MAPK4: variants seen among roughly 807,000 people sequenced by gnomAD.
MAPK4 encodes mitogen-activated protein kinase 4.
In MAPK4, 22 loss-of-function variants were observed where a neutral mutation model predicts 47.7. That is an observed-to-expected ratio of 0.46 (90% confidence interval 0.33 to 0.66). MAPK4 has a LOEUF of 0.66. MAPK4 is among the 30% of genes least tolerant of loss of function. The probability of loss-of-function intolerance (pLI) is 0.02; values close to 1 mark genes in which losing one functional copy is unlikely to be tolerated. For missense variants in MAPK4, 736 were observed against 831.7 expected (o/e 0.88, Z 1.42); for synonymous variants, 390 against 365.7 (o/e 1.07, Z -0.76).
intron 3 of MAPK4, among the ~76,000 whole-genome samples, chr18:50,719,453 T>C (rs1384133256): frequency 2.0e-5 from 3 of 152,170 alleles, no homozygotes; most frequent in Non-Finnish European, 4.4e-5. Context: ...CCCAGTTCCG[T>C]ATTTTCCAGC....
At chr18:50,654,476 G>A (rs1382448586) in intron 1 of MAPK4, among the ~76,000 whole-genome samples, 1 of 152,190 alleles carries the variant, frequency 6.6e-6, no homozygotes, top group Non-Finnish European at 1.5e-5. Context: ...GCCCCAAATA[G>A]GGCCTCACCT....
intron 1 of MAPK4, among the ~76,000 whole-genome samples, chr18:50,573,888 G>C (rs576224003): frequency 6.6e-6 from 1 of 152,248 alleles, no homozygotes; most frequent in East Asian, 1.9e-4. Context: ...TAGTGGTGCT[G>C]TCTGGTATTT....
intron 5 of MAPK4, among the ~76,000 whole-genome samples, chr18:50,727,838 T>C (rs925282195): frequency 6.6e-6 from 1 of 152,176 alleles, no homozygotes; most frequent in Non-Finnish European, 1.5e-5. Flanking sequence ...TTCCCAACTG[T>C]AAAGCGGGGG....
intron 1 of MAPK4, chr18:50,560,669 T>C: frequency 6.5e-6 from 1 of 152,700 alleles, no homozygotes; most frequent in Non-Finnish European, 1.5e-5. Context: ...GCAGTCCCGA[T>C]TATCCTCCCC....
chr18:50,654,896 G>A (rs1420372378), intron 1 of MAPK4, among the ~76,000 whole-genome samples: 1 of 152,210 alleles, frequency 6.6e-6, no homozygotes, highest in African/African-American at 2.4e-5. Context: ...TGTTCTCCCT[G>A]GCTGGTTACG....
chr18:50,687,119 T>C (rs1908924966), intron 2 of MAPK4, among the ~76,000 whole-genome samples: 1 of 152,254 alleles, frequency 6.6e-6, no homozygotes, highest in South Asian at 2.1e-4. Context: ...TTGTTCATTC[T>C]TGCCATACCA....
chr18:50,587,267 C>T (rs1052565426), intron 1 of MAPK4, among the ~76,000 whole-genome samples: 1 of 152,124 alleles, frequency 6.6e-6, no homozygotes, highest in African/African-American at 2.4e-5. Context: ...AAGAAAGGCC[C>T]AAGGTAGCTT....
intron 5 of MAPK4, among the ~76,000 whole-genome samples, chr18:50,727,289 G>T (rs1014494539): frequency 1.3e-5 from 2 of 152,176 alleles, no homozygotes; most frequent in African/African-American, 4.8e-5. Flanking sequence ...ACTCCGAGGG[G>T]GCCTAACTGG....
chr18:50,694,309 C>T (rs1909389679), intron 2 of MAPK4, among the ~76,000 whole-genome samples: 1 of 152,150 alleles, frequency 6.6e-6, no homozygotes, highest in Non-Finnish European at 1.5e-5. Context: ...CCTCAGGCCA[C>T]CCAGGGCCAT....
intron 1 of MAPK4, among the ~76,000 whole-genome samples, chr18:50,603,157 C>T (rs1219699290): frequency 6.6e-6 from 1 of 152,114 alleles, no homozygotes; most frequent in African/African-American, 2.4e-5. Context: ...GCAGACAGGT[C>T]AGTCCCCCAT....
At chr18:50,624,001 A>G (rs1052826182) in intron 1 of MAPK4, among the ~76,000 whole-genome samples, 2 of 152,188 alleles carry the variant, frequency 1.3e-5, no homozygotes, top group Non-Finnish European at 2.9e-5. Context: ...AGGCCACGTG[A>G]TTTCTTTTCA....
At chr18:50,677,637 C>T (rs1908353267) in intron 2 of MAPK4, among the ~76,000 whole-genome samples, 1 of 151,968 alleles carries the variant, frequency 6.6e-6, no homozygotes, top group Non-Finnish European at 1.5e-5. Flanking sequence ...ACTGCAGACT[C>T]CATCTCCCAA....
At chr18:50,700,406 A>G (rs1215466525) in intron 2 of MAPK4, among the ~76,000 whole-genome samples, 1 of 152,192 alleles carries the variant, frequency 6.6e-6, no homozygotes, top group Non-Finnish European at 1.5e-5. Flanking sequence ...ATATAAATAC[A>G]CTGGAATACT....
chr18:50,692,057 A>G (rs1049994241), intron 2 of MAPK4, among the ~76,000 whole-genome samples: 2 of 152,234 alleles, frequency 1.3e-5, no homozygotes, highest in African/African-American at 4.8e-5. Context: ...TCAGGGTCAC[A>G]TAGCTTAGAA....
chr18:50,640,403 A>G (rs978800276), intron 1 of MAPK4, among the ~76,000 whole-genome samples: 2 of 149,120 alleles, frequency 1.3e-5, no homozygotes, highest in Non-Finnish European at 3.0e-5. Flanking sequence ...AAAAAAAATT[A>G]TATGGATGCC....
intron 1 of MAPK4, among the ~76,000 whole-genome samples, chr18:50,578,529 C>G (rs747139457): frequency 6.6e-6 from 1 of 152,150 alleles, no homozygotes; most frequent in Non-Finnish European, 1.5e-5. Flanking sequence ...GCAGATGGTG[C>G]CTGTTTGGTC....
At chr18:50,667,676 G>A (rs1907681513) in intron 2 of MAPK4, among the ~76,000 whole-genome samples, 1 of 152,216 alleles carries the variant, frequency 6.6e-6, no homozygotes, top group Non-Finnish European at 1.5e-5. Context: ...ACAGCCCAGG[G>A]CCAGCGATAG....
chr18:50,585,837 AAGG>A (rs2042383517), intron 1 of MAPK4, among the ~76,000 whole-genome samples: 1 of 152,226 alleles, frequency 6.6e-6, no homozygotes, highest in Non-Finnish European at 1.5e-5. Context: ...TGGTGGTAGG[AAGG>A]AGAAGTGCTG....
At chr18:50,590,419 C>T (rs1035041893) in intron 1 of MAPK4, among the ~76,000 whole-genome samples, 2 of 152,178 alleles carry the variant, frequency 1.3e-5, no homozygotes, top group South Asian at 2.1e-4. Context: ...ACCTGAGCAT[C>T]ATGTAGGAGA....
Sources: allele counts gnomAD v4.1 joint callset (sites outside exome capture counted in the v4.1 genomes callset), GRCh38; gene constraint gnomAD v4.1.1; transcripts MANE v1.5; gene names NCBI Gene and HGNC (gene_info 2026-07-23, HGNC 2026-07-21).